Variants in SCG5 observed in about 807,000 individuals in gnomAD.
SCG5 encodes the protein neuroendocrine protein 7B2.
A neutral mutation model predicts 25.7 loss-of-function variants in SCG5; 18 were observed. The observed-to-expected ratio is 0.70, with a 90% confidence interval of 0.48 to 1.04. The LOEUF is 1.04. SCG5 is among the 50% of genes least tolerant of loss of function. The probability of loss-of-function intolerance (pLI) is 0.00; values close to 1 mark genes in which losing one functional copy is unlikely to be tolerated. For synonymous variants in SCG5, 101 were observed against 91.7 expected (o/e 1.10, Z -0.58); for missense variants, 206 against 259.8 (o/e 0.79, Z 1.42).
At chr15:32,661,412 G>C (rs1300233242) in intron 2 of SCG5, among the ~76,000 whole-genome samples, 1 of 152,210 alleles carries the variant, frequency 6.6e-6, no homozygotes, top group African/African-American at 2.4e-5. Context: ...CTGAGGTTGG[G>C]AGTTCAGAGA....
intron 2 of SCG5, among the ~76,000 whole-genome samples, chr15:32,673,665 T>A (rs1375945227): frequency 6.6e-6 from 1 of 152,074 alleles, no homozygotes; most frequent in East Asian, 1.9e-4. Flanking sequence ...CTAGAATTAA[T>A]AACTTAGAAG....
At chr15:32,667,677 C>CTT (rs11457121) in intron 2 of SCG5, among the ~76,000 whole-genome samples, 17,753 of 145,802 alleles carry the variant, frequency 0.12, 1,468 homozygotes, top group East Asian at 0.42. Flanking sequence ...TAGTTTTATT[C>CTT]TTTTTTTTTT....
At chr15:32,683,031 T>G (rs986678367) in intron 3 of SCG5, among the ~76,000 whole-genome samples, 6 of 152,236 alleles carry the variant, frequency 3.9e-5, no homozygotes, top group Non-Finnish European at 8.8e-5. Flanking sequence ...ATATGCAGAT[T>G]GCCTGAACTC....
intron 5 of SCG5, among the ~76,000 whole-genome samples, chr15:32,695,503 A>G (rs551894308): frequency 6.6e-6 from 1 of 152,266 alleles, no homozygotes; most frequent in East Asian, 1.9e-4. Context: ...TTTACTCATT[A>G]AGAATACCAA....
chr15:32,643,492 C>T, intron 1 of SCG5, 94 bp from the exon 2 acceptor site: 1 of 1,047,266 alleles, frequency 9.5e-7, no homozygotes, highest in East Asian at 2.4e-5. Context: ...GGGTGGTCCT[C>T]GAACCACAAC....
intron 3 of SCG5, among the ~76,000 whole-genome samples, chr15:32,681,581 C>T (rs2054622432): frequency 6.7e-6 from 1 of 149,918 alleles, no homozygotes; most frequent in Admixed American, 6.7e-5. Flanking sequence ...TTCCAAGTAG[C>T]TGGGACAACA....
intron 5 of SCG5, among the ~76,000 whole-genome samples, chr15:32,695,205 C>T (rs375964080): frequency 4.6e-5 from 7 of 151,794 alleles, no homozygotes; most frequent in Non-Finnish European, 7.4e-5. Flanking sequence ...TTAGTAGAGA[C>T]GGGGTTTCAC....
intron 5 of SCG5, chr15:32,692,177 C>A: frequency 9.8e-7 from 1 of 1,020,874 alleles, no homozygotes; most frequent in Non-Finnish European, 1.2e-6. Context: ...AAGTGCTGAA[C>A]TGCATGCTCC....
chr15:32,648,283 T>A (rs574730903), intron 2 of SCG5, among the ~76,000 whole-genome samples: 1 of 152,324 alleles, frequency 6.6e-6, no homozygotes, highest in Non-Finnish European at 1.5e-5. Flanking sequence ...TCTCTCTAGC[T>A]CTACTCCAAA....
At chr15:32,652,011 C>T (rs997494751) in intron 2 of SCG5, among the ~76,000 whole-genome samples, 1 of 151,934 alleles carries the variant, frequency 6.6e-6, no homozygotes, top group Non-Finnish European at 1.5e-5. Flanking sequence ...AAGACAAAGG[C>T]CAGGTAGATG....
intron 1 of SCG5, among the ~76,000 whole-genome samples, chr15:32,642,916 TTTAA>T (rs988481107): frequency 7.9e-5 from 12 of 152,286 alleles, no homozygotes; most frequent in African/African-American, 2.9e-4. Flanking sequence ...AGGTAAATGC[TTTAA>T]TTATCTCCGT....
chr15:32,696,597 G>A lies in SCG5; in HGVS notation c.627G>A (p.Lys209=). The change falls in exon 6 of 6, where the codon AAG becomes AAA. Residue 209 remains lysine (K), a synonymous_variant. Transcript: ENST00000300175. The part of the protein sequence containing the change: ...KSVPHFSDED[K]DPE The stretch of plus-strand genomic sequence containing the variant: ...TCCCCCATTTTTCAGATGAGGATAA[G>A]GATCCAGAGTAAAGAGAAGATGCTA... The A allele has an allele frequency of 1.2e-6, 2 of 1,611,298 alleles. No individual in the cohort carries two copies. Among genetic ancestry groups the A allele is most frequent in the Admixed American group, 1.7e-5 (1 of 59,958 alleles).
chr15:32,642,152 C>T (rs2053874429), intron 1 of SCG5, among the ~76,000 whole-genome samples: 2 of 152,002 alleles, frequency 1.3e-5, no homozygotes, highest in South Asian at 4.1e-4. Flanking sequence ...TAGAAAAGGC[C>T]TTTTCTTTGC....
rs141362215 is a variant in SCG5 at position 32,678,878 on chromosome 15, G to T, written c.227-888G>T. The stretch of plus-strand genomic sequence containing the variant: ...CATGCAGCCAAATGGAAAGATGCTT[G>T]TGCTTCAATATTAAATAGAAATGAA... On this transcript the variant is annotated intron_variant, in intron 2 of 5. Coordinates refer to ENST00000300175, the MANE Select transcript of SCG5 (RefSeq NM_001144757.3). 1.3e-3 allele frequency among the ~76,000 whole-genome samples: 193 copies of T among 152,304 alleles called. No individual in the cohort carries two copies. In the South Asian group the frequency reaches 0.015, roughly 12 times the overall value.
rs889138484 is a variant in SCG5 at position 32,679,868 on chromosome 15, A to T, written c.329A>T (p.Asp110Val). ...GDNIPKDFSE[D>V]QGYPDPPNPC... ...AACATTCCTAAGGACTTTAGTGAGG[A>T]TCAGGGGTACCCAGACCCTCCAAAT... The change falls in exon 3 of 6, where the codon GAT becomes GTT. Residue 110 changes from aspartate to valine, a missense_variant. Asp to Val is a radical substitution (Grantham distance 152). Transcript: ENST00000300175. 1.2e-6 allele frequency: 2 copies of T among 1,613,664 alleles called. No homozygotes were observed. Among genetic ancestry groups the T allele is most frequent in the Non-Finnish European group, 1.7e-6 (2 of 1,179,700 alleles).
intron 2 of SCG5, among the ~76,000 whole-genome samples, chr15:32,661,374 C>A (rs566629584): frequency 5.1e-4 from 78 of 152,298 alleles, no homozygotes; most frequent in Non-Finnish European, 7.3e-5. Flanking sequence ...AATCCCAGCA[C>A]TTTGGGAGGC....
At chr15:32,663,031 GAATATA>G (rs2054249209) in intron 2 of SCG5, among the ~76,000 whole-genome samples, 2 of 44,808 alleles carry the variant, frequency 4.5e-5, no homozygotes, top group Non-Finnish European at 8.1e-5. Flanking sequence ...TAAAAAAAAA[GAATATA>G]TATATATATA....
chr15:32,685,931 T>C (rs2054701245), intron 4 of SCG5, among the ~76,000 whole-genome samples: 1 of 152,260 alleles, frequency 6.6e-6, no homozygotes, highest in African/African-American at 2.4e-5. Flanking sequence ...CTGGGAACAC[T>C]GAAATTTCAA....
At chr15:32,656,831 C>G (rs901486870) in intron 2 of SCG5, among the ~76,000 whole-genome samples, 1 of 151,964 alleles carries the variant, frequency 6.6e-6, no homozygotes, top group Non-Finnish European at 1.5e-5. Context: ...AATTTCGCAC[C>G]GCAAATATAA....
Sources: gnomAD v4.1 joint callset for allele counts (sites outside exome capture counted in the v4.1 genomes callset) on GRCh38, gnomAD v4.1.1 for gene constraint, MANE v1.5 for transcripts, NCBI Gene and HGNC (gene_info 2026-07-23, HGNC 2026-07-21) for gene names.